RAB28: variants seen among roughly 807,000 people sequenced by gnomAD.
The protein encoded by RAB28 is RAB28, member RAS oncogene family.
RAB28 carries 24 observed loss-of-function variants against 31.7 expected under a neutral mutation model. That is an observed-to-expected ratio of 0.76 (90% CI 0.55 to 1.06). The LOEUF is 1.06. RAB28 is among the 50% of genes least tolerant of loss of function. The pLI is 0.00. For missense variants in RAB28, 254 were observed against 258.5 expected, an observed-to-expected ratio of 0.98 and a Z score of 0.12; for synonymous variants, 100 against 90.4, an observed-to-expected ratio of 1.11 and a Z score of -0.60.
intron 4 of RAB28, among the ~76,000 whole-genome samples, chr4:13,417,413 T>C (rs1712845951): frequency 6.6e-6 from 1 of 152,128 alleles, no homozygotes; most frequent in Non-Finnish European, 1.5e-5. Context: ...GGGTTTGAGC[T>C]CTGAAAATGG....
chr4:13,369,758 T>C, intron 6 of RAB28: 1 of 1,027,648 alleles, frequency 9.7e-7, no homozygotes, highest in Non-Finnish European at 1.3e-6. Flanking sequence ...TAACTTCCAA[T>C]AATGTACAAT....
chr4:13,369,879 C>T, intron 6 of RAB28: 2 of 1,609,668 alleles, frequency 1.2e-6, no homozygotes, highest in South Asian at 2.2e-5. Context: ...ACCTGCACTA[C>T]TGTACTGAAC....
intron 2 of RAB28, among the ~76,000 whole-genome samples, chr4:13,477,410 A>G (rs988036575): frequency 1.3e-5 from 2 of 151,610 alleles, no homozygotes; most frequent in South Asian, 4.1e-4. Context: ...TATAAATTCA[A>G]TAAAGCTACC....
rs1292241752 is a variant in RAB28 at position 13,414,613 on chromosome 4, G to A, written c.392-33019C>T. Among the ~76,000 whole-genome samples the A allele has an allele frequency of 2.6e-5, 4 of 152,196 alleles. No homozygotes were observed. In the East Asian group the frequency reaches 7.7e-4, roughly 29 times the overall value. On this transcript the variant is annotated intron_variant, in intron 4 of 6. Coordinates refer to ENST00000330852, the MANE Select transcript of RAB28 (RefSeq NM_001017979.3). ...TATTTCCCAATTCATTTATGAAGCT[G>A]ACATAATCTTGGTACTAAAACCAGA...
intron 4 of RAB28, among the ~76,000 whole-genome samples, chr4:13,385,758 GCAACCACA>G (rs1322282926): frequency 6.6e-6 from 1 of 152,076 alleles, no homozygotes; most frequent in African/African-American, 2.4e-5. Flanking sequence ...ATACTATAAA[GCAACCACA>G]CAAAAAAGTC....
intron 4 of RAB28, among the ~76,000 whole-genome samples, chr4:13,395,752 AG>A (rs1213716570): frequency 6.6e-6 from 1 of 152,142 alleles, no homozygotes; most frequent in Non-Finnish European, 1.5e-5. Flanking sequence ...TTCACAGATC[AG>A]AGCTACTGAT....
intron 4 of RAB28, among the ~76,000 whole-genome samples, chr4:13,426,615 C>G (rs973469644): frequency 6.6e-6 from 1 of 152,084 alleles, no homozygotes; most frequent in Admixed American, 6.5e-5. Context: ...ACCTTGAAAA[C>G]TATCAGGCCC....
chr4:13,411,238 C>A (rs748077050), intron 4 of RAB28, among the ~76,000 whole-genome samples: 4 of 152,006 alleles, frequency 2.6e-5, no homozygotes, highest in Non-Finnish European at 5.9e-5. Flanking sequence ...AACTATTGTT[C>A]AAATGTCGGC....
chr4:13,377,729 A>C (rs1728975719), intron 5 of RAB28, among the ~76,000 whole-genome samples: 1 of 152,186 alleles, frequency 6.6e-6, no homozygotes, highest in Admixed American at 6.5e-5. Context: ...GTGTACAAAA[A>C]CAGAATCAGC....
chr4:13,409,529 G>T (rs1344592698), intron 4 of RAB28, among the ~76,000 whole-genome samples: 1 of 152,182 alleles, frequency 6.6e-6, no homozygotes, highest in African/African-American at 2.4e-5. Flanking sequence ...AGCAGTGCAA[G>T]TACTCAGAGA....
At chr4:13,469,941 T>C (rs574778867) in intron 3 of RAB28, among the ~76,000 whole-genome samples, 38 of 152,158 alleles carry the variant, frequency 2.5e-4, no homozygotes, top group African/African-American at 8.4e-4. Flanking sequence ...TTGGCCTACC[T>C]TGGCCCTCTA....
intron 4 of RAB28, among the ~76,000 whole-genome samples, chr4:13,386,793 A>G (rs1729387714): frequency 6.6e-6 from 1 of 152,148 alleles, no homozygotes; most frequent in Non-Finnish European, 1.5e-5. Context: ...AAACACTTGC[A>G]AGTGTATGTC....
At position 13,423,162 on chromosome 4, in the gene RAB28, G is replaced by A. The variant is rs76683684; in HGVS notation, c.391+37537C>T. 5.8e-3 allele frequency among the ~76,000 whole-genome samples: 878 copies of A among 152,268 alleles called. 13 individuals are homozygous for A. The highest frequency in any genetic ancestry group is 0.02 in the African/African-American group (850 of 41,558). On this transcript the variant is annotated intron_variant, in intron 4 of 6. Coordinates refer to ENST00000330852, the MANE Select transcript of RAB28 (RefSeq NM_001017979.3). The stretch of plus-strand genomic sequence containing the variant: ...CCTTTTAATTGTGGACTCTAGATCA[G>A]GTGCAGCAAACTGTAGTCTGTGGGC...
intron 4 of RAB28, among the ~76,000 whole-genome samples, chr4:13,412,507 C>T (rs534301052): frequency 6.6e-6 from 1 of 152,170 alleles, no homozygotes; most frequent in Non-Finnish European, 1.5e-5. Flanking sequence ...TGGCCTTGAC[C>T]TCTCTGTTCT....
intron 4 of RAB28, among the ~76,000 whole-genome samples, chr4:13,400,636 C>G (rs1711695810): frequency 6.6e-6 from 1 of 152,032 alleles, no homozygotes; most frequent in Admixed American, 6.5e-5. Flanking sequence ...TACCTTGTAC[C>G]TAATCTTAGG....
intron 4 of RAB28, among the ~76,000 whole-genome samples, chr4:13,450,812 C>A (rs1426149780): frequency 6.6e-6 from 1 of 151,580 alleles, no homozygotes; most frequent in Non-Finnish European, 1.5e-5. Flanking sequence ...GAGGGAAAAT[C>A]ATTTCAAGCA....
rs1221133104 is a variant in RAB28 at position 13,450,989 on chromosome 4, T to TG, written c.391+9709dup. Among the ~76,000 whole-genome samples the TG allele has an allele frequency of 2.0e-5, 3 of 151,876 alleles. No homozygotes were observed. In the East Asian group the frequency reaches 5.8e-4, roughly 29 times the overall value. ...CATTGGTAAATTTGGGTAAGGAGTTTGGATTTCATTTGATGTAATCCAACC... is the reference window on the plus strand; with the variant it reads ...CATTGGTAAATTTGGGTAAGGAGTTTGGGATTTCATTTGATGTAATCCAACC... On this transcript the variant is annotated intron_variant, in intron 4 of 6. Coordinates refer to ENST00000330852, the MANE Select transcript of RAB28 (RefSeq NM_001017979.3).
intron 5 of RAB28, among the ~76,000 whole-genome samples, chr4:13,378,913 C>T (rs1420785305): frequency 6.6e-6 from 1 of 152,006 alleles, no homozygotes; most frequent in Non-Finnish European, 1.5e-5. Context: ...AGAAGAGAAG[C>T]TATGAAATAG....
intron 4 of RAB28, among the ~76,000 whole-genome samples, chr4:13,444,375 T>C (rs934548506): frequency 6.6e-6 from 1 of 151,872 alleles, no homozygotes; most frequent in African/African-American, 2.4e-5. Flanking sequence ...TGCGTGTGTG[T>C]ATACAAATAT....
Sources: gnomAD v4.1 joint callset for allele counts (sites outside exome capture counted in the v4.1 genomes callset) on GRCh38, gnomAD v4.1.1 for gene constraint, MANE v1.5 for transcripts, NCBI Gene and HGNC (gene_info 2026-07-23, HGNC 2026-07-21) for gene names.